Variants in KIAA1671 observed in about 807,000 individuals in gnomAD.
KIAA1671 encodes the protein KIAA1671.
Under a neutral mutation model 131.2 loss-of-function variants are expected in KIAA1671, and 52 were observed. That is an observed-to-expected ratio of 0.40 (90% CI 0.32 to 0.50). KIAA1671 has a LOEUF of 0.50. KIAA1671 is among the 20% of genes least tolerant of loss of function. The probability of loss-of-function intolerance (pLI) is 0.73; values close to 1 mark genes in which losing one functional copy is unlikely to be tolerated. For missense variants in KIAA1671, 2,360 were observed against 2,364.2 expected (o/e 1.00, Z 0.04); for synonymous variants, 1,003 against 961.6 (o/e 1.04, Z -0.80).
chr22:25,103,657 C>G (rs1193593163), intron 6 of KIAA1671, among the ~76,000 whole-genome samples: 1 of 151,802 alleles, frequency 6.6e-6, no homozygotes, highest in African/African-American at 2.4e-5. Flanking sequence ...TGCACCTGGC[C>G]TTTTTTTTGT....
intron 11 of KIAA1671, among the ~76,000 whole-genome samples, chr22:25,189,383 C>G (rs916706287): frequency 6.6e-6 from 1 of 152,026 alleles, no homozygotes; most frequent in East Asian, 1.9e-4. Flanking sequence ...CCGTGTTAGC[C>G]GGGATGGTCT....
intron 5 of KIAA1671, chr22:25,048,946 G>A: frequency 2.6e-6 from 1 of 378,526 alleles, no homozygotes; most frequent in Non-Finnish European, 4.9e-6. Flanking sequence ...GCGCCTAGAA[G>A]CTGGGTGCTG....
intron 1 of KIAA1671, among the ~76,000 whole-genome samples, chr22:24,954,375 A>G (rs1316012841): frequency 1.3e-5 from 2 of 152,016 alleles, no homozygotes; most frequent in Non-Finnish European, 2.9e-5. Flanking sequence ...TTCCCGAGGA[A>G]TTTGTACAGA....
intron 6 of KIAA1671, among the ~76,000 whole-genome samples, chr22:25,141,311 A>C (rs1213968806): frequency 2.0e-5 from 3 of 151,848 alleles, no homozygotes; most frequent in Admixed American, 6.6e-5. Flanking sequence ...CGGCTCACTG[A>C]AAGCTCTGCC....
chr22:25,037,851 A>AT (rs1451018991), intron 4 of KIAA1671, among the ~76,000 whole-genome samples: 2 of 151,784 alleles, frequency 1.3e-5, no homozygotes, highest in African/African-American at 4.8e-5. Flanking sequence ...TTATTTATTT[A>AT]TTTTTTTAGA....
chr22:25,076,965 C>T (rs1929144403), intron 6 of KIAA1671, among the ~76,000 whole-genome samples: 2 of 152,150 alleles, frequency 1.3e-5, no homozygotes, highest in Admixed American at 1.3e-4. Flanking sequence ...CCAAGGTCCC[C>T]GGCTAGGAAG....
rs1048734177 is a variant in KIAA1671 at position 25,197,065 on chromosome 22, G to A, written c.*4664G>A. On this transcript the variant is annotated 3_prime_UTR_variant, in exon 13 of 13. Transcript: ENST00000358431. ...GATAGAAAAGGAGCTCGAGTTCTTTGTGTAGGAAAGTTAAGCTTCCTGCCT... is the reference window on the plus strand; with the variant it reads ...GATAGAAAAGGAGCTCGAGTTCTTTATGTAGGAAAGTTAAGCTTCCTGCCT... 6 of 152,264 alleles carry A rather than the reference G, an allele frequency of 3.9e-5. No individual in the cohort carries two copies. Among genetic ancestry groups the A allele is most frequent in the South Asian group, 4.1e-4 (2 of 4,828 alleles). 9.4% of individuals were successfully genotyped at this position (152,264 alleles called of 1,614,324 possible).
At chr22:25,150,884 G>C (rs962236961) in intron 6 of KIAA1671, among the ~76,000 whole-genome samples, 5 of 145,930 alleles carry the variant, frequency 3.4e-5, no homozygotes, top group African/African-American at 1.3e-4. Flanking sequence ...CCAGGCTGGA[G>C]TGCCGTGGCG....
At chr22:25,110,776 G>GT (rs529808348) in intron 6 of KIAA1671, among the ~76,000 whole-genome samples, 193 of 152,296 alleles carry the variant, frequency 1.3e-3, no homozygotes, top group Non-Finnish European at 2.2e-3. Context: ...CCCTGTAAGG[G>GT]TTAAAACCCA....
At chr22:24,992,926 G>A (rs1249154198) in intron 1 of KIAA1671, among the ~76,000 whole-genome samples, 1 of 151,962 alleles carries the variant, frequency 6.6e-6, no homozygotes, top group Non-Finnish European at 1.5e-5. Flanking sequence ...TCTGAGAGGT[G>A]GGGAAACTGA....
intron 1 of KIAA1671, among the ~76,000 whole-genome samples, chr22:25,001,925 A>C (rs1924498623): frequency 6.6e-6 from 1 of 151,988 alleles, no homozygotes; most frequent in South Asian, 2.1e-4. Flanking sequence ...TTATATAAAT[A>C]TATGATATAA....
chr22:25,019,441 C>T (rs1283892839), intron 1 of KIAA1671, among the ~76,000 whole-genome samples: 1 of 152,056 alleles, frequency 6.6e-6, no homozygotes, highest in African/African-American at 2.4e-5. Flanking sequence ...AGGCAGGAGA[C>T]AGTCTTAGCA....
intron 6 of KIAA1671, among the ~76,000 whole-genome samples, chr22:25,095,726 AG>A (rs1032341184): frequency 3.9e-5 from 6 of 152,198 alleles, no homozygotes; most frequent in African/African-American, 1.2e-4. Flanking sequence ...ATGACTGCTA[AG>A]CCCCCCTAGA....
At chr22:25,162,323 C>T (rs1376657693) in intron 6 of KIAA1671, among the ~76,000 whole-genome samples, 2 of 152,208 alleles carry the variant, frequency 1.3e-5, no homozygotes, top group African/African-American at 4.8e-5. Flanking sequence ...GGCCCCATGA[C>T]CACAGTGCTC....
Position 25,164,959 on chromosome 22 carries a change from A to AG in KIAA1671, c.4531-5861_4531-5860insG, listed in dbSNP as rs1568988163. Among the ~76,000 whole-genome samples the AG allele has an allele frequency of 1.0e-3, 108 of 105,876 alleles. 1 individual carries two copies. The highest frequency in any genetic ancestry group is 3.4e-3 in the African/African-American group (57 of 16,760). 69.5% of individuals were successfully genotyped at this position (105,876 alleles called of 152,430 possible). ...TGAGACTGTCTCGGGAAAAAAAAAA[A>AG]AAGAGAGAGAGTTGCAGGCGTGTGT... On this transcript the variant is annotated intron_variant, in intron 6 of 12. Coordinates refer to ENST00000358431, the MANE Select transcript of KIAA1671 (RefSeq NM_001145206.2).
chr22:25,120,340 C>T (rs770163734), intron 6 of KIAA1671, among the ~76,000 whole-genome samples: 39 of 152,244 alleles, frequency 2.6e-4, no homozygotes, highest in Non-Finnish European at 5.0e-4. Context: ...GGACAGGCTG[C>T]TTTCTTTTTG....
chr22:25,028,777 G>T lies in KIAA1671; in HGVS notation c.778G>T (p.Ala260Ser), dbSNP rs889457867. Residue 260 changes from alanine to serine, a missense_variant, in exon 3 of 13, where the codon GCA becomes TCA. Physicochemically the swap from Ala to Ser is moderately conservative, Grantham distance 99. This residue lies in a region of KIAA1671 where 1,185 missense variants were observed against 1,126.2 expected (regional missense o/e 1.05). Coordinates refer to ENST00000358431, the MANE Select transcript of KIAA1671 (RefSeq NM_001145206.2). Reference protein sequence around the residue: ...SIQPQKPGPGAAATVGKVPPT... With the variant: ...SIQPQKPGPGSAATVGKVPPT... ...TCAGCCTCAGAAGCCAGGCCCCGGC[G>T]CAGCGGCCACAGTGGGCAAAGTGCC... 2.6e-6 allele frequency: 4 copies of T among 1,551,236 alleles called. No homozygotes were observed. The highest frequency in any genetic ancestry group is 3.5e-6 in the Non-Finnish European group (4 of 1,147,006).
At chr22:24,990,783 G>A (rs568759668) in intron 1 of KIAA1671, among the ~76,000 whole-genome samples, 1 of 152,256 alleles carries the variant, frequency 6.6e-6, no homozygotes, top group Admixed American at 6.5e-5. Context: ...GCCAGAGGCT[G>A]GAGGCCTGGT....
intron 6 of KIAA1671, among the ~76,000 whole-genome samples, chr22:25,076,674 C>G (rs1010071367): frequency 6.6e-6 from 1 of 152,228 alleles, no homozygotes; most frequent in Admixed American, 6.5e-5. Context: ...CCTCGCCAGA[C>G]GGTCCCAAGG....
Sources: allele counts gnomAD v4.1 joint callset (sites outside exome capture counted in the v4.1 genomes callset), GRCh38; gene constraint gnomAD v4.1.1; regional missense constraint gnomAD v4.1.1; transcripts MANE v1.5; gene names NCBI Gene and HGNC (gene_info 2026-07-23, HGNC 2026-07-21).